Variants in IL1RAPL2 observed in about 807,000 individuals in gnomAD.
IL1RAPL2 encodes the protein X-linked interleukin-1 receptor accessory protein-like 2.
A neutral mutation model predicts 44.1 loss-of-function variants in IL1RAPL2; 3 were observed. The observed-to-expected ratio is 0.07, with a 90% CI of 0.03 to 0.18. IL1RAPL2 has a LOEUF of 0.18. Ranked by LOEUF, IL1RAPL2 falls within the 10% of genes least tolerant of loss-of-function variation. The probability of loss-of-function intolerance (pLI) is 1.00; values close to 1 mark genes in which losing one functional copy is unlikely to be tolerated. For missense variants in IL1RAPL2, 391 were observed against 496.4 expected (o/e 0.79, Z 2.02); for synonymous variants, 181 against 178.8 (o/e 1.01, Z -0.10).
intron 2 of IL1RAPL2, among the ~76,000 whole-genome samples, chrX:105,175,688 C>T (rs980750350): frequency 1.8e-5 from 2 of 110,797 alleles, no homozygotes; most frequent in Non-Finnish European, 3.8e-5. Context: ...TAAAAAAATA[C>T]TGTATTCAAA....
intron 2 of IL1RAPL2, among the ~76,000 whole-genome samples, chrX:104,825,736 G>T (rs1252759436): frequency 2.7e-5 from 3 of 111,967 alleles, no homozygotes; most frequent in Non-Finnish European, 3.8e-5. Flanking sequence ...GCAGATATCA[G>T]TTGCTCCAGT....
intron 2 of IL1RAPL2, among the ~76,000 whole-genome samples, chrX:105,137,278 G>T (rs2033084735): frequency 8.9e-6 from 1 of 112,240 alleles, no homozygotes. Context: ...AGTCTCAGTA[G>T]TCACATCTAA....
At chrX:104,650,470 T>C (rs1021636765) in intron 1 of IL1RAPL2, among the ~76,000 whole-genome samples, 3 of 111,231 alleles carry the variant, frequency 2.7e-5, no homozygotes, top group Non-Finnish European at 5.7e-5. Context: ...GTGGTCACTG[T>C]TGTAAGACAT....
intron 6 of IL1RAPL2, among the ~76,000 whole-genome samples, chrX:105,670,648 A>G (rs1160705774): frequency 9.2e-6 from 1 of 109,287 alleles, no homozygotes; most frequent in Non-Finnish European, 1.9e-5. Context: ...TGTTGATAGT[A>G]ATGCATTAAA....
intron 1 of IL1RAPL2, among the ~76,000 whole-genome samples, chrX:104,569,774 A>G (rs905598347): frequency 8.9e-6 from 1 of 112,458 alleles, no homozygotes; most frequent in Non-Finnish European, 1.9e-5. Flanking sequence ...AGGTGAAATG[A>G]GTTAAAATAT....
chrX:105,624,308 G>A (rs1467730093), intron 6 of IL1RAPL2, among the ~76,000 whole-genome samples: 1 of 110,977 alleles, frequency 9.0e-6, no homozygotes, highest in East Asian at 2.8e-4. Flanking sequence ...TGTTTTGGAT[G>A]GTATCTTGAG....
rs138231709 is a variant in IL1RAPL2, at chrX:105,147,273, C to T, written c.83-48202C>T. Among the ~76,000 whole-genome samples, 792 of 111,829 alleles carry T rather than the reference C, an allele frequency of 7.1e-3. 10 individuals carry two copies. Among genetic ancestry groups the T allele is most frequent in the African/African-American group, 0.025 (755 of 30,778 alleles). On this transcript the variant is annotated intron_variant, in intron 2 of 10. Coordinates refer to ENST00000372582, the MANE Select transcript of IL1RAPL2 (RefSeq NM_017416.2). ...ATTTTAAGCTATTATTACCTTCTCA[C>T]TTATCAGGCTGCTCATTTACTTCTC...
intron 2 of IL1RAPL2, among the ~76,000 whole-genome samples, chrX:104,996,300 T>A (rs770877784): frequency 8.9e-6 from 1 of 111,982 alleles, no homozygotes; most frequent in South Asian, 3.7e-4. Context: ...ACCTTTGCCC[T>A]CATGAGAATA....
chrX:105,748,075 A>G (rs1413747265), intron 8 of IL1RAPL2, among the ~76,000 whole-genome samples: 2 of 111,119 alleles, frequency 1.8e-5, no homozygotes, highest in Non-Finnish European at 3.8e-5. Context: ...CTGACTTCCC[A>G]TTTTCTCTAA....
chrX:104,952,788 A>G (rs1283431294), intron 2 of IL1RAPL2, among the ~76,000 whole-genome samples: 1 of 112,299 alleles, frequency 8.9e-6, no homozygotes, highest in African/African-American at 3.2e-5. Flanking sequence ...TTAGTTTTCC[A>G]ATTAATTTAG....
At chrX:105,078,823 C>T (rs1018900552) in intron 2 of IL1RAPL2, among the ~76,000 whole-genome samples, 3 of 112,753 alleles carry the variant, frequency 2.7e-5, no homozygotes, top group Non-Finnish European at 5.6e-5. Flanking sequence ...GCATAGGACC[C>T]TCCAAGCCAG....
intron 2 of IL1RAPL2, among the ~76,000 whole-genome samples, chrX:104,800,497 A>G (rs1204982782): frequency 1.8e-5 from 2 of 112,178 alleles, no homozygotes. Flanking sequence ...AATCTCAAAG[A>G]TAGAATTAAT....
chrX:105,063,977 G>A (rs2147533879), intron 2 of IL1RAPL2, among the ~76,000 whole-genome samples: 1 of 112,225 alleles, frequency 8.9e-6, no homozygotes, highest in African/African-American at 3.2e-5. Flanking sequence ...CACAGTGACT[G>A]CACTGGATCA....
intron 2 of IL1RAPL2, among the ~76,000 whole-genome samples, chrX:105,070,362 T>A (rs1472169703): frequency 2.7e-5 from 3 of 111,888 alleles, no homozygotes; most frequent in Non-Finnish European, 5.6e-5. Context: ...TTTCTTTTCA[T>A]AATTGGCTTA....
chrX:105,220,185 G>A, intron 3 of IL1RAPL2: 1 of 1,211,171 alleles, frequency 8.3e-7, no homozygotes, highest in Non-Finnish European at 1.1e-6. Context: ...CCAAGGCCAG[G>A]CTGCCCCAGG....
chrX:105,600,627 TA>T (rs1019976554), intron 6 of IL1RAPL2, among the ~76,000 whole-genome samples: 1 of 108,185 alleles, frequency 9.2e-6, no homozygotes, highest in Non-Finnish European at 1.9e-5. Context: ...ATTTTATAAA[TA>T]TTTTATAAAG....
chrX:105,057,479 G>T (rs1331583782), intron 2 of IL1RAPL2, among the ~76,000 whole-genome samples: 2 of 112,009 alleles, frequency 1.8e-5, no homozygotes, highest in Admixed American at 9.5e-5. Context: ...CAGTTTCCCA[G>T]CTGATCCAGT....
intron 6 of IL1RAPL2, among the ~76,000 whole-genome samples, chrX:105,575,813 C>A (rs1485606499): frequency 8.9e-6 from 1 of 112,364 alleles, no homozygotes; most frequent in East Asian, 2.8e-4. Context: ...GTTTCCTTTT[C>A]TCCACAACCT....
intron 2 of IL1RAPL2, among the ~76,000 whole-genome samples, chrX:105,050,066 T>C (rs1017685780): frequency 2.7e-5 from 3 of 112,283 alleles, no homozygotes; most frequent in Admixed American, 1.9e-4. Flanking sequence ...TTCATTCTAA[T>C]TGAATAAAAT....
Sources: allele counts gnomAD v4.1 joint callset (sites outside exome capture counted in the v4.1 genomes callset), GRCh38; gene constraint gnomAD v4.1.1; transcripts MANE v1.5; gene names NCBI Gene and HGNC (gene_info 2026-07-23, HGNC 2026-07-21).